PRKN: variants seen among roughly 807,000 people sequenced by gnomAD.
PRKN encodes the protein parkin RBR E3 ubiquitin protein ligase, also known as E3 ubiquitin-protein ligase parkin.
A neutral mutation model predicts 59.5 loss-of-function variants in PRKN; 56 were observed. That is an observed-to-expected ratio of 0.94 (90% CI 0.76 to 1.18). The LOEUF (loss-of-function observed/expected upper bound fraction) is 1.18, where lower values mean the gene tolerates loss of function less well. PRKN is among the 50% of genes most tolerant of loss of function. The pLI, the probability that PRKN is intolerant of heterozygous loss-of-function variation, is 0.00. For synonymous variants in PRKN, 250 were observed against 222.1 expected (o/e 1.13, Z -1.12); for missense variants, 657 against 596.4 (o/e 1.10, Z -1.06).
chr6:162,644,933 G>C (rs1272959755), intron 1 of PRKN, among the ~76,000 whole-genome samples: 6 of 152,162 alleles, frequency 3.9e-5, no homozygotes, highest in Non-Finnish European at 5.9e-5. Context: ...TGATTAATAA[G>C]ATGCATATAG....
intron 1 of PRKN, among the ~76,000 whole-genome samples, chr6:162,682,038 T>C (rs1445978359): frequency 1.3e-5 from 2 of 152,150 alleles, no homozygotes; most frequent in African/African-American, 2.4e-5. Context: ...AATGTGACTA[T>C]ACATATTCAT....
intron 3 of PRKN, among the ~76,000 whole-genome samples, chr6:162,237,331 G>A (rs1045686456): frequency 2.6e-5 from 4 of 152,192 alleles, no homozygotes; most frequent in Middle Eastern, 3.4e-3. Flanking sequence ...TCAGTGAAGC[G>A]AATAAAAACA....
At chr6:161,723,207 T>G (rs1787298980) in intron 7 of PRKN, among the ~76,000 whole-genome samples, 1 of 151,402 alleles carries the variant, frequency 6.6e-6, no homozygotes, top group East Asian at 1.9e-4. Flanking sequence ...AGGCAGAGTT[T>G]GCAGTGAGCC....
At chr6:161,708,253 ACTGT>A (rs1472286281) in intron 7 of PRKN, among the ~76,000 whole-genome samples, 5 of 152,178 alleles carry the variant, frequency 3.3e-5, no homozygotes, top group African/African-American at 1.2e-4. Context: ...CTTAAAAATG[ACTGT>A]CTGATGGTTG....
chr6:162,317,921 T>C (rs919979464), intron 2 of PRKN, among the ~76,000 whole-genome samples: 2 of 151,880 alleles, frequency 1.3e-5, no homozygotes, highest in Non-Finnish European at 2.9e-5. Flanking sequence ...GTAAAATATA[T>C]ATATAATCTA....
At chr6:162,088,435 A>G (rs1462425312) in intron 4 of PRKN, among the ~76,000 whole-genome samples, 1 of 152,196 alleles carries the variant, frequency 6.6e-6, no homozygotes, top group East Asian at 1.9e-4. Context: ...TCAATTTTCT[A>G]AGCTACTTGT....
Position 162,193,640 on chromosome 6 carries a change from G to A in PRKN, c.534+7491C>T, listed in dbSNP as rs1331297419. On this transcript the variant is annotated intron_variant, in intron 4 of 11. Transcript: ENST00000366898. ...AATGAAGCTTTTGTGACCTATACAT[G>A]TGTGTCCTATGGCCATTTGTAGGAG... 3.3e-5 allele frequency among the ~76,000 whole-genome samples: 5 copies of A among 152,176 alleles called. No homozygotes were observed. The South Asian group carries it at 1.0e-3, about 32-fold the overall frequency.
chr6:161,415,551 A>G (rs1162197253), intron 9 of PRKN, among the ~76,000 whole-genome samples: 2 of 139,552 alleles, frequency 1.4e-5, no homozygotes, highest in African/African-American at 5.4e-5. Context: ...AGGTGTTATA[A>G]CTCTTTTCTC....
At chr6:162,518,068 GGT>G (rs1777939361) in intron 1 of PRKN, among the ~76,000 whole-genome samples, 1 of 152,090 alleles carries the variant, frequency 6.6e-6, no homozygotes, top group South Asian at 2.1e-4. Flanking sequence ...TGTTTTCATA[GGT>G]CAAGAGCTTA....
At chr6:162,280,981 A>T (rs1444846994) in intron 2 of PRKN, among the ~76,000 whole-genome samples, 3 of 152,090 alleles carry the variant, frequency 2.0e-5, no homozygotes, top group Non-Finnish European at 4.4e-5. Flanking sequence ...CTTTGCAGGG[A>T]TATGGATGAA....
intron 5 of PRKN, among the ~76,000 whole-genome samples, chr6:162,017,017 G>A (rs1446769470): frequency 2.0e-5 from 3 of 152,130 alleles, no homozygotes; most frequent in Non-Finnish European, 4.4e-5. Context: ...TCTCTCCCGG[G>A]CCTGCTCAAA....
chr6:162,722,135 T>C (rs1288766345), intron 1 of PRKN, among the ~76,000 whole-genome samples: 1 of 152,122 alleles, frequency 6.6e-6, no homozygotes, highest in Non-Finnish European at 1.5e-5. Context: ...CCACAGGCAA[T>C]ATATAGACAA....
intron 5 of PRKN, among the ~76,000 whole-genome samples, chr6:162,022,353 A>ATTT (rs964703191): frequency 1.3e-4 from 19 of 151,998 alleles, no homozygotes; most frequent in African/African-American, 4.6e-4. Flanking sequence ...AATATATGTT[A>ATTT]TTTTTTGACA....
chr6:162,366,923 T>A (rs1785471336), intron 2 of PRKN, among the ~76,000 whole-genome samples: 1 of 152,108 alleles, frequency 6.6e-6, no homozygotes, highest in African/African-American at 2.4e-5. Flanking sequence ...TTTTAAAAAA[T>A]TAAAATGTTT....
At chr6:161,754,180 A>G (rs897174989) in intron 7 of PRKN, among the ~76,000 whole-genome samples, 2 of 152,092 alleles carry the variant, frequency 1.3e-5, no homozygotes, top group African/African-American at 4.8e-5. Context: ...TGGCAGACCC[A>G]ATGTTGCATG....
At chr6:162,062,340 T>C (rs1362442944) in intron 4 of PRKN, among the ~76,000 whole-genome samples, 1 of 152,104 alleles carries the variant, frequency 6.6e-6, no homozygotes, top group Non-Finnish European at 1.5e-5. Flanking sequence ...TGATTCCATG[T>C]ATATGAAATG....
intron 1 of PRKN, among the ~76,000 whole-genome samples, chr6:162,590,972 G>C (rs991292584): frequency 6.6e-6 from 1 of 151,910 alleles, no homozygotes; most frequent in African/African-American, 2.4e-5. Context: ...AAGTCACCAG[G>C]TCTGATGATA....
Position 161,455,491 on chromosome 6 carries a change from T to A in PRKN, c.1084-68614A>T, listed in dbSNP as rs142528871. ...CAAATGAAAGCATCCTAATCATTCC[T>A]TTTTTTATAGAGGCCTATCAGTGTA... On this transcript the variant is annotated intron_variant, in intron 9 of 11. Transcript: ENST00000366898. Among the ~76,000 whole-genome samples the A allele has an allele frequency of 6.6e-3, 1,011 of 152,282 alleles. 14 individuals are homozygous for A. The highest frequency in any genetic ancestry group is 0.013 in the South Asian group (63 of 4,820).
At chr6:162,064,516 C>T (rs1485873514) in intron 4 of PRKN, among the ~76,000 whole-genome samples, 1 of 152,172 alleles carries the variant, frequency 6.6e-6, no homozygotes, top group East Asian at 1.9e-4. Context: ...CACTGCCAAT[C>T]AACACAAAAG....
Sources: allele counts gnomAD v4.1 joint callset (sites outside exome capture counted in the v4.1 genomes callset), GRCh38; gene constraint gnomAD v4.1.1; transcripts MANE v1.5; gene names NCBI Gene and HGNC (gene_info 2026-07-23, HGNC 2026-07-21).